The following GPM6A variants were observed in gnomAD, a reference collection of about 807,000 sequenced individuals.
The protein encoded by GPM6A is neuronal membrane glycoprotein M6-a.
GPM6A carries 7 observed loss-of-function variants against 32.1 expected under a neutral mutation model. The observed-to-expected ratio is 0.22, with a 90% confidence interval of 0.12 to 0.41. The LOEUF is 0.41. Among genes scored for constraint, GPM6A ranks in the 10% least tolerant of loss-of-function variants. GPM6A has a pLI of 1.00. For missense variants in GPM6A, 235 were observed against 347.2 expected (o/e 0.68, Z 2.57); for synonymous variants, 130 against 123.4 (o/e 1.05, Z -0.35).
chr4:175,795,279 T>C (rs1734173178), intron 1 of GPM6A, among the ~76,000 whole-genome samples: 1 of 152,184 alleles, frequency 6.6e-6, no homozygotes, highest in Non-Finnish European at 1.5e-5. Flanking sequence ...GCATTTGAGG[T>C]ACCTATGGCT....
At chr4:175,747,956 A>T (rs766040348) in intron 1 of GPM6A, among the ~76,000 whole-genome samples, 14 of 152,194 alleles carry the variant, frequency 9.2e-5, no homozygotes, top group Non-Finnish European at 1.9e-4. Flanking sequence ...CTAAATTTTT[A>T]CAATATCTTT....
intron 1 of GPM6A, among the ~76,000 whole-genome samples, chr4:175,801,405 G>C (rs111315829): frequency 6.6e-6 from 1 of 151,902 alleles, no homozygotes; most frequent in African/African-American, 2.4e-5. Flanking sequence ...TAGATAAAAA[G>C]TGTTTAATAT....
At chr4:175,743,667 G>C (rs962986232) in intron 1 of GPM6A, among the ~76,000 whole-genome samples, 8 of 151,796 alleles carry the variant, frequency 5.3e-5, no homozygotes, top group Non-Finnish European at 5.9e-5. Context: ...GACACAAAAA[G>C]TTGAAAAAAT....
intron 1 of GPM6A, among the ~76,000 whole-genome samples, chr4:175,864,812 T>A (rs1219945761): frequency 6.6e-6 from 1 of 152,056 alleles, no homozygotes; most frequent in African/African-American, 2.4e-5. Context: ...TTATTTCATT[T>A]TTTTCTTTTT....
chr4:175,809,645 A>G (rs1734838228), intron 1 of GPM6A, among the ~76,000 whole-genome samples: 1 of 152,154 alleles, frequency 6.6e-6, no homozygotes, highest in South Asian at 2.1e-4. Flanking sequence ...ATACTGTTAA[A>G]TTATCCTCTC....
intron 1 of GPM6A, among the ~76,000 whole-genome samples, chr4:175,721,935 C>T (rs1353586871): frequency 6.6e-6 from 1 of 152,020 alleles, no homozygotes; most frequent in Non-Finnish European, 1.5e-5. Context: ...TCTGTAGTAA[C>T]TTTCACTATT....
chr4:175,681,107 A>G (rs564881438), intron 2 of GPM6A, among the ~76,000 whole-genome samples: 2 of 152,336 alleles, frequency 1.3e-5, no homozygotes, highest in Admixed American at 1.3e-4. Context: ...ATGTATCTTT[A>G]GAATTAGGAT....
rs140661354 is a variant in GPM6A at position 175,678,428 on chromosome 4, T to A, written c.231-4592A>T. 5.2e-3 allele frequency among the ~76,000 whole-genome samples: 785 copies of A among 152,240 alleles called. 1 individual carries two copies. The highest frequency in any genetic ancestry group is 8.7e-3 in the Non-Finnish European group (594 of 68,000). On this transcript the variant is annotated intron_variant, in intron 2 of 6. Transcript: ENST00000393658. ...GGGGTGGCATTAAGTGATGGAGACATCCTGTGATTATATACAAGAGCAAAA... is the reference window on the plus strand; with the variant it reads ...GGGGTGGCATTAAGTGATGGAGACAACCTGTGATTATATACAAGAGCAAAA...
At chr4:175,642,239 C>A (rs1298640428) in intron 4 of GPM6A, among the ~76,000 whole-genome samples, 1 of 152,066 alleles carries the variant, frequency 6.6e-6, no homozygotes, top group African/African-American at 2.4e-5. Flanking sequence ...ATGAGATTTC[C>A]TCCCTAAAAA....
At chr4:175,993,180 CCTTT>C (rs745921923) in intron 1 of GPM6A, among the ~76,000 whole-genome samples, 21 of 148,370 alleles carry the variant, frequency 1.4e-4, no homozygotes, top group Non-Finnish European at 3.0e-4. Flanking sequence ...TACTTTTCTT[CCTTT>C]CTTTTTTTTT....
intron 1 of GPM6A, among the ~76,000 whole-genome samples, chr4:175,923,071 A>C (rs1457522803): frequency 6.6e-6 from 1 of 151,964 alleles, no homozygotes; most frequent in East Asian, 1.9e-4. Context: ...ATATGTAGAT[A>C]CTATATTATT....
chr4:175,848,875 C>T (rs17062161), intron 1 of GPM6A, among the ~76,000 whole-genome samples: 51,769 of 151,732 alleles, frequency 0.34, 8,789 homozygotes, highest in East Asian at 0.36. Context: ...TAAAAATCTC[C>T]GTGTGCAAAT....
At chr4:175,995,570 T>A (rs1442226245) in intron 1 of GPM6A, among the ~76,000 whole-genome samples, 1 of 152,120 alleles carries the variant, frequency 6.6e-6, no homozygotes, top group Non-Finnish European at 1.5e-5. Context: ...CCAGACTTCC[T>A]GCCTCATCAT....
intron 3 of GPM6A, among the ~76,000 whole-genome samples, chr4:175,668,357 T>C (rs1365931665): frequency 6.6e-6 from 1 of 151,726 alleles, no homozygotes; most frequent in Non-Finnish European, 1.5e-5. Flanking sequence ...ATCACCCCTA[T>C]GTTTGAAGGA....
At chr4:175,736,279 G>T (rs546107947) in intron 1 of GPM6A, among the ~76,000 whole-genome samples, 1 of 152,220 alleles carries the variant, frequency 6.6e-6, no homozygotes, top group South Asian at 2.1e-4. Context: ...TCCTTCCAAA[G>T]CACTGGGATT....
At chr4:175,869,696 G>A (rs1736845580) in intron 1 of GPM6A, among the ~76,000 whole-genome samples, 2 of 152,050 alleles carry the variant, frequency 1.3e-5, no homozygotes. Context: ...GGCATAGGTT[G>A]CAGTGAGCCG....
intron 1 of GPM6A, among the ~76,000 whole-genome samples, chr4:175,909,045 G>GGGC (rs1738227965): frequency 1.1e-5 from 1 of 93,496 alleles, no homozygotes; most frequent in African/African-American, 5.0e-5. Context: ...AAAAGGGCGG[G>GGGC]GGGGGGGCAA....
chr4:175,671,710 AG>A (rs1359441337), intron 3 of GPM6A, among the ~76,000 whole-genome samples: 10 of 152,266 alleles, frequency 6.6e-5, no homozygotes, highest in Admixed American at 5.9e-4. Context: ...TCGTGGAGCT[AG>A]CCCCCTTCGT....
At chr4:175,933,586 T>C (rs1402129823) in intron 1 of GPM6A, among the ~76,000 whole-genome samples, 3 of 152,026 alleles carry the variant, frequency 2.0e-5, no homozygotes, top group African/African-American at 7.2e-5. Flanking sequence ...GTTTGTTTGT[T>C]TGTTTGTTTG....
Sources: gnomAD v4.1 joint callset for allele counts (sites outside exome capture counted in the v4.1 genomes callset) on GRCh38, gnomAD v4.1.1 for gene constraint, MANE v1.5 for transcripts, NCBI Gene and HGNC (gene_info 2026-07-23, HGNC 2026-07-21) for gene names.